Variants in CSMD1 observed in about 807,000 individuals in gnomAD.
The protein encoded by CSMD1 is CUB and sushi domain-containing protein 1.
In CSMD1, 213 loss-of-function variants were observed where a neutral mutation model predicts 417.5. The ratio of observed to expected loss-of-function variants is 0.51; its 90% confidence interval spans 0.46 to 0.57. CSMD1 has a LOEUF of 0.57. Among genes scored for constraint, CSMD1 ranks in the 20% least tolerant of loss-of-function variants. CSMD1 has a pLI of 0.00. For synonymous variants in CSMD1, 2,862 were observed against 1,736.8 expected, an observed-to-expected ratio of 1.65 and a Z score of -16.11; for missense variants, 6,923 against 4,529.7, an observed-to-expected ratio of 1.53 and a Z score of -15.17.
chr8:4,193,888 A>C (rs1467765577), intron 3 of CSMD1, among the ~76,000 whole-genome samples: 1 of 151,830 alleles, frequency 6.6e-6, no homozygotes, highest in South Asian at 2.1e-4. Flanking sequence ...AGAACTGGCC[A>C]CCTCCACGAA....
intron 25 of CSMD1, among the ~76,000 whole-genome samples, chr8:3,300,514 A>G (rs2117336019): frequency 6.6e-6 from 1 of 152,312 alleles, no homozygotes; most frequent in Non-Finnish European, 1.5e-5. Flanking sequence ...ACTCTGCTTT[A>G]TAGAAAGACT....
At chr8:4,526,580 A>T (rs1026382506) in intron 2 of CSMD1, among the ~76,000 whole-genome samples, 1 of 152,260 alleles carries the variant, frequency 6.6e-6, no homozygotes, top group African/African-American at 2.4e-5. Flanking sequence ...TGACACACAC[A>T]TTGGTAAACA....
At chr8:4,191,165 G>C (rs1293292954) in intron 3 of CSMD1, among the ~76,000 whole-genome samples, 1 of 152,188 alleles carries the variant, frequency 6.6e-6, no homozygotes, top group East Asian at 1.9e-4. Flanking sequence ...GGGAGGCCGA[G>C]GCAGGTGGAT....
intron 3 of CSMD1, among the ~76,000 whole-genome samples, chr8:4,091,854 G>T (rs1055917394): frequency 1.3e-5 from 2 of 152,154 alleles, no homozygotes; most frequent in Non-Finnish European, 2.9e-5. Flanking sequence ...AGAAACAACA[G>T]AATTTTAACA....
chr8:4,153,771 T>C (rs1585435312), intron 3 of CSMD1, among the ~76,000 whole-genome samples: 1 of 152,174 alleles, frequency 6.6e-6, no homozygotes, highest in Non-Finnish European at 1.5e-5. Context: ...TCTAAAACCC[T>C]TTGTCAGGGG....
At chr8:4,275,965 G>A (rs995304040) in intron 3 of CSMD1, among the ~76,000 whole-genome samples, 3 of 152,178 alleles carry the variant, frequency 2.0e-5, no homozygotes, top group Non-Finnish European at 2.9e-5. Context: ...AAAAAGTCAG[G>A]AAACAGCAGA....
chr8:3,831,204 C>G (rs1802358058), intron 5 of CSMD1, among the ~76,000 whole-genome samples: 1 of 152,114 alleles, frequency 6.6e-6, no homozygotes, highest in African/African-American at 2.4e-5. Flanking sequence ...AGATTTTTCA[C>G]AAAAGCATGT....
chr8:3,468,882 A>T, intron 11 of CSMD1, 58 bp from the exon 12 acceptor site: 1 of 1,142,248 alleles, frequency 8.8e-7, no homozygotes, highest in South Asian at 1.3e-5. Flanking sequence ...ATCGACTTCC[A>T]CCTGAAAGGA....
chr8:3,642,591 A>T (rs1264600817), intron 7 of CSMD1, among the ~76,000 whole-genome samples: 2 of 152,218 alleles, frequency 1.3e-5, no homozygotes, highest in Admixed American at 6.5e-5. Flanking sequence ...AAAGCAATTC[A>T]CAAACCAAAC....
intron 30 of CSMD1, among the ~76,000 whole-genome samples, chr8:3,206,513 G>A (rs936686774): frequency 7.3e-6 from 1 of 137,266 alleles, no homozygotes; most frequent in Non-Finnish European, 1.5e-5. Flanking sequence ...TGTGTGTGGT[G>A]TATGTCTGCG....
chr8:4,280,946 T>C (rs1244755171), intron 3 of CSMD1, among the ~76,000 whole-genome samples: 3 of 152,216 alleles, frequency 2.0e-5, no homozygotes, highest in Non-Finnish European at 4.4e-5. Context: ...TCCACGTTTT[T>C]TCCAAACACA....
intron 3 of CSMD1, among the ~76,000 whole-genome samples, chr8:4,342,251 C>CTGTGTGTGTGTGTGTTTGTG (rs1563074132): frequency 1.4e-3 from 27 of 18,734 alleles, no homozygotes; most frequent in Non-Finnish European, 1.8e-3. Context: ...GTGTGTGTGT[C>CTGTGTGTGTGTGTGTTTGTG]TCTGTATGTG....
At chr8:2,967,628 T>A (rs1012379810) in intron 57 of CSMD1, among the ~76,000 whole-genome samples, 3 of 152,088 alleles carry the variant, frequency 2.0e-5, no homozygotes, top group Non-Finnish European at 4.4e-5. Context: ...GGCAGGTAAA[T>A]AAAGGAAGTG....
intron 11 of CSMD1, among the ~76,000 whole-genome samples, chr8:3,472,561 A>G (rs1413530790): frequency 6.6e-6 from 1 of 151,792 alleles, no homozygotes; most frequent in African/African-American, 2.4e-5. Context: ...AAGAAAGATG[A>G]TGAAGAACTT....
chr8:3,424,461 T>G (rs771018096), intron 12 of CSMD1, among the ~76,000 whole-genome samples: 1 of 152,234 alleles, frequency 6.6e-6, no homozygotes, highest in Non-Finnish European at 1.5e-5. Context: ...ATTCACTGTT[T>G]GTATGCGAAT....
chr8:4,691,567 T>C (rs955166579), intron 1 of CSMD1, among the ~76,000 whole-genome samples: 4 of 152,190 alleles, frequency 2.6e-5, no homozygotes, highest in Non-Finnish European at 5.9e-5. Context: ...TGTTATGTTA[T>C]CTTGGGAAAT....
chr8:4,200,359 G>C (rs912163494), intron 3 of CSMD1, among the ~76,000 whole-genome samples: 8 of 151,886 alleles, frequency 5.3e-5, no homozygotes, highest in African/African-American at 1.7e-4. Flanking sequence ...AGCAAAGCAT[G>C]ATTTTTTAAA....
At chr8:4,356,830 C>G (rs1801459559) in intron 3 of CSMD1, among the ~76,000 whole-genome samples, 3 of 152,168 alleles carry the variant, frequency 2.0e-5, no homozygotes, top group South Asian at 4.1e-4. Flanking sequence ...GGCGCACATT[C>G]CTAGTTGTTC....
chr8:4,141,346 G>T (rs1388218106), intron 3 of CSMD1, among the ~76,000 whole-genome samples: 1 of 151,224 alleles, frequency 6.6e-6, no homozygotes, highest in Non-Finnish European at 1.5e-5. Context: ...GTTCAGAGAA[G>T]TATGCTCATG....
Sources: allele counts gnomAD v4.1 joint callset (sites outside exome capture counted in the v4.1 genomes callset), GRCh38; gene constraint gnomAD v4.1.1; transcripts MANE v1.5; gene names NCBI Gene and HGNC (gene_info 2026-07-23, HGNC 2026-07-21).